EPHA3: variants seen among roughly 807,000 people sequenced by gnomAD.
EPHA3 encodes ephrin type-A receptor 3.
In EPHA3, 42 loss-of-function variants were observed where a neutral mutation model predicts 107.1. The observed-to-expected ratio is 0.39, with a 90% CI of 0.31 to 0.51. EPHA3 has a LOEUF of 0.51. Among genes scored for constraint, EPHA3 ranks in the 20% least tolerant of loss-of-function variants. The pLI is 0.78. For missense variants in EPHA3, 1,183 were observed against 1,211.2 expected (o/e 0.98, Z 0.35); for synonymous variants, 461 against 424.8 (o/e 1.09, Z -1.05).
chr3:89,212,808 T>A lies in EPHA3; in HGVS notation c.814+2288T>A, dbSNP rs1704134292. On this transcript the variant is annotated intron_variant, in intron 3 of 16. Coordinates refer to ENST00000336596, the MANE Select transcript of EPHA3 (RefSeq NM_005233.6). ...TACCTTATTAATGTCACTGAAGAAT[T>A]TGTTGCTCTGTGCTTTATCTCTGCA... Among the ~76,000 whole-genome samples the A allele has an allele frequency of 2.0e-5, 3 of 152,050 alleles. No homozygotes were observed. In the South Asian group the frequency reaches 6.2e-4, roughly 31 times the overall value.
intron 5 of EPHA3, among the ~76,000 whole-genome samples, chr3:89,363,664 A>G (rs1424885982): frequency 6.7e-6 from 1 of 150,346 alleles, no homozygotes; most frequent in Non-Finnish European, 1.5e-5. Context: ...TAACCATCAT[A>G]GTCAGTGGTG....
chr3:89,422,887 C>CT (rs1364681484), intron 11 of EPHA3, among the ~76,000 whole-genome samples: 7 of 151,202 alleles, frequency 4.6e-5, no homozygotes, highest in Non-Finnish European at 8.9e-5. Context: ...GTTTTTGAGC[C>CT]TGATGGTCTT....
chr3:89,121,728 G>A lies in EPHA3; in HGVS notation c.89-5481G>A, dbSNP rs537809493. Among the ~76,000 whole-genome samples the A allele has an allele frequency of 2.7e-5, 4 of 147,354 alleles. No individual in the cohort carries two copies. In the Admixed American group the frequency reaches 2.7e-4, roughly 10 times the overall value. On this transcript the variant is annotated intron_variant, in intron 1 of 16. Transcript: ENST00000336596. The stretch of plus-strand genomic sequence containing the variant: ...GCCAAGTTTGTGCCACTGCACTCCA[G>A]CCTGGCGACACAGGGAGACCCCGTC...
Position 89,210,184 on chromosome 3 carries a change from C to T in EPHA3, c.478C>T (p.Arg160Cys), listed in dbSNP as rs768163795. 3.1e-6 allele frequency: 5 copies of T among 1,613,804 alleles called. No individual in the cohort carries two copies. The highest frequency in any genetic ancestry group is 1.1e-5 in the South Asian group (1 of 91,082). Residue 160 changes from arginine (R) to cysteine (C), a missense_variant, in exon 3 of 17, where the codon CGT (arginine) becomes TGT (cysteine). Transcript: ENST00000336596. ...TTTCACTCAAATGGATCTTGGGGAC[C>T]GTATTCTGAAGCTCAACACTGAGAT... ...ESFTQMDLGD[R>C]ILKLNTEIRE...
chr3:89,400,192 C>CTTTTTTTTTTTTTTTT (rs35134848), intron 7 of EPHA3: 1 of 206,770 alleles, frequency 4.8e-6, no homozygotes, highest in Non-Finnish European at 7.2e-6. Context: ...TTCTTTCTTT[C>CTTTTTTTTTTTTTTTT]TTTTTTTTTT....
At chr3:89,258,107 T>C (rs1320646372) in intron 3 of EPHA3, among the ~76,000 whole-genome samples, 1 of 152,210 alleles carries the variant, frequency 6.6e-6, no homozygotes, top group Non-Finnish European at 1.5e-5. Context: ...CAATTACTTA[T>C]CTCATGTTCT....
chr3:89,367,495 G>A (rs556599130), intron 5 of EPHA3, among the ~76,000 whole-genome samples: 2 of 150,518 alleles, frequency 1.3e-5, no homozygotes, highest in South Asian at 4.2e-4. Context: ...TAAAATCATT[G>A]TCAGATTAAT....
At chr3:89,274,343 G>A (rs35800684) in intron 3 of EPHA3, among the ~76,000 whole-genome samples, 41,209 of 151,530 alleles carry the variant, frequency 0.27, 7,065 homozygotes, top group African/African-American at 0.5. Flanking sequence ...AGTATTTTTT[G>A]TTTTTAGCAT....
chr3:89,312,898 C>G (rs1706799305), intron 3 of EPHA3, among the ~76,000 whole-genome samples: 1 of 151,938 alleles, frequency 6.6e-6, no homozygotes, highest in Non-Finnish European at 1.5e-5. Context: ...CTCCATGTCC[C>G]TGTAAAGGAC....
chr3:89,406,731 C>T (rs764239910), intron 7 of EPHA3, among the ~76,000 whole-genome samples: 2 of 151,920 alleles, frequency 1.3e-5, no homozygotes, highest in African/African-American at 4.8e-5. Flanking sequence ...TTTTTGCCAA[C>T]CATTTGTCTA....
intron 5 of EPHA3, among the ~76,000 whole-genome samples, chr3:89,380,845 C>G (rs1345573805): frequency 4.0e-5 from 6 of 151,224 alleles, no homozygotes; most frequent in Non-Finnish European, 8.8e-5. Flanking sequence ...CTTGGCTCAC[C>G]GCAACCTCCG....
chr3:89,248,866 C>A (rs181147411), intron 3 of EPHA3, among the ~76,000 whole-genome samples: 7 of 152,314 alleles, frequency 4.6e-5, no homozygotes, highest in Non-Finnish European at 1.0e-4. Context: ...ACCATGTGCA[C>A]AGGTCCATAA....
intron 15 of EPHA3, among the ~76,000 whole-genome samples, chr3:89,452,920 A>G: frequency 6.6e-6 from 1 of 152,172 alleles, no homozygotes; most frequent in East Asian, 1.9e-4. Flanking sequence ...AATCATAAAC[A>G]AGATCTTAAT....
chr3:89,460,551 A>G (rs1262251806), intron 15 of EPHA3, among the ~76,000 whole-genome samples: 1 of 150,374 alleles, frequency 6.7e-6, no homozygotes, highest in Admixed American at 6.6e-5. Flanking sequence ...TATTTTCCCC[A>G]GTTAATGAAA....
At chr3:89,166,705 A>G (rs1413496835) in intron 2 of EPHA3, among the ~76,000 whole-genome samples, 2 of 152,176 alleles carry the variant, frequency 1.3e-5, no homozygotes, top group Non-Finnish European at 2.9e-5. Flanking sequence ...TTAGTTTCCA[A>G]CACAGTGACA....
At chr3:89,424,404 A>C (rs1424990732) in intron 11 of EPHA3, among the ~76,000 whole-genome samples, 1 of 151,462 alleles carries the variant, frequency 6.6e-6, no homozygotes, top group Non-Finnish European at 1.5e-5. Flanking sequence ...CCAAACAAAC[A>C]CAAACAAACC....
intron 3 of EPHA3, among the ~76,000 whole-genome samples, chr3:89,223,080 A>G (rs1196320020): frequency 2.0e-5 from 3 of 152,204 alleles, no homozygotes; most frequent in African/African-American, 7.2e-5. Context: ...AAAAACACTG[A>G]TAGTCAAGAA....
intron 2 of EPHA3, among the ~76,000 whole-genome samples, chr3:89,173,756 A>G (rs73845996): frequency 0.014 from 2,067 of 152,112 alleles, 47 homozygotes; most frequent in African/African-American, 0.046. Context: ...TAAAATAAGC[A>G]TATCTGAGGC....
intron 2 of EPHA3, among the ~76,000 whole-genome samples, chr3:89,185,999 T>G (rs1429512377): frequency 6.6e-6 from 1 of 152,052 alleles, no homozygotes; most frequent in Non-Finnish European, 1.5e-5. Flanking sequence ...TCCTTCTTTT[T>G]ACTTTCTCTT....
Sources: gnomAD v4.1 joint callset for allele counts (sites outside exome capture counted in the v4.1 genomes callset) on GRCh38, gnomAD v4.1.1 for gene constraint, MANE v1.5 for transcripts, NCBI Gene and HGNC (gene_info 2026-07-23, HGNC 2026-07-21) for gene names.